The following ST3GAL6 variants were observed in gnomAD, a reference collection of about 807,000 sequenced individuals.
ST3GAL6 encodes ST3 beta-galactoside alpha-2,3-sialyltransferase 6.
ST3GAL6 carries 31 observed loss-of-function variants against 40.5 expected under a neutral mutation model. That is an observed-to-expected ratio of 0.77 (90% CI 0.58 to 1.03). ST3GAL6 has a LOEUF of 1.03. Ranked by LOEUF, ST3GAL6 falls within the 50% of genes least tolerant of loss-of-function variation. The pLI, the probability that ST3GAL6 is intolerant of heterozygous loss-of-function variation, is 0.00. For missense variants in ST3GAL6, 357 were observed against 393.2 expected (o/e 0.91, Z 0.78); for synonymous variants, 129 against 136.9 (o/e 0.94, Z 0.40).
chr3:98,784,914 T>C (rs1940541427), intron 5 of ST3GAL6, 31 bp from the exon 6 acceptor site: 1 of 1,550,976 alleles, frequency 6.4e-7, no homozygotes, highest in Non-Finnish European at 8.9e-7. Flanking sequence ...AAAAGATGGC[T>C]CAATCTCTCA....
chr3:98,751,368 A>G (rs955941785), intron 1 of ST3GAL6, among the ~76,000 whole-genome samples: 24 of 152,180 alleles, frequency 1.6e-4, no homozygotes, highest in African/African-American at 5.3e-4. Flanking sequence ...ATGATCCATA[A>G]TTTCTTTAGG....
chr3:98,783,774 G>A (rs1940414430), intron 5 of ST3GAL6: 5 of 691,032 alleles, frequency 7.2e-6, no homozygotes, highest in South Asian at 1.3e-4. Flanking sequence ...GGTAGACACT[G>A]ATTTAGGCAT....
chr3:98,759,354 T>C (rs1937580242), upstream of ST3GAL6, among the ~76,000 whole-genome samples: 1 of 152,112 alleles, frequency 6.6e-6, no homozygotes, highest in Admixed American at 6.5e-5. Flanking sequence ...AGGGAGGCCG[T>C]GTAGTGCTAC....
intron 5 of ST3GAL6, among the ~76,000 whole-genome samples, chr3:98,777,037 G>A (rs527456841): frequency 6.6e-6 from 1 of 152,188 alleles, no homozygotes; most frequent in Non-Finnish European, 1.5e-5. Flanking sequence ...GACCAAGGCT[G>A]CTTCTCTATC....
chr3:98,764,535 A>G (rs1178368699), intron 1 of ST3GAL6, among the ~76,000 whole-genome samples: 1 of 152,176 alleles, frequency 6.6e-6, no homozygotes, highest in Non-Finnish European at 1.5e-5. Context: ...TAAGTTGGAG[A>G]AATGTTCAGT....
chr3:98,741,086 A>ATGTG (rs1936048933), intron 1 of ST3GAL6, among the ~76,000 whole-genome samples: 2 of 83,092 alleles, frequency 2.4e-5, no homozygotes, highest in Non-Finnish European at 4.8e-5. Context: ...GTGTGTGTGC[A>ATGTG]TGCATGTATG....
At chr3:98,737,382 C>G (rs1331553664) in intron 1 of ST3GAL6, among the ~76,000 whole-genome samples, 1 of 152,144 alleles carries the variant, frequency 6.6e-6, no homozygotes, top group Non-Finnish European at 1.5e-5. Flanking sequence ...CTTTCTCTCT[C>G]TCACACACAT....
intron 1 of ST3GAL6, among the ~76,000 whole-genome samples, chr3:98,767,407 A>G (rs560222811): frequency 1.3e-5 from 2 of 152,348 alleles, no homozygotes; most frequent in Admixed American, 6.5e-5. Flanking sequence ...AGGCAATGCC[A>G]TATTATTTGG....
At position 98,769,987 on chromosome 3, in the gene ST3GAL6, G is replaced by A. The variant is rs943881543; in HGVS notation, c.90-892G>A. Among the ~76,000 whole-genome samples, 4 of 152,182 alleles carry A rather than the reference G, an allele frequency of 2.6e-5. No individual in the cohort carries two copies. In the East Asian group the frequency reaches 5.8e-4, roughly 22 times the overall value. ...GTATTCACAAAAGATGTTTTCCTGC[G>A]TAAGGAGTTTACTAGCCTCACAGTT... On this transcript the variant is annotated intron_variant, in intron 2 of 9. Coordinates refer to ENST00000483910, the MANE Select transcript of ST3GAL6 (RefSeq NM_001323368.2).
intron 5 of ST3GAL6, 43 bp downstream of exon 5, chr3:98,774,026 C>A: frequency 6.7e-7 from 1 of 1,485,028 alleles, no homozygotes; most frequent in Non-Finnish European, 9.4e-7. Flanking sequence ...TTAGCTTCAG[C>A]TAAGCTGGTT....
intron 8 of ST3GAL6, among the ~76,000 whole-genome samples, chr3:98,789,241 A>G (rs990813262): frequency 6.6e-5 from 10 of 152,224 alleles, no homozygotes; most frequent in African/African-American, 1.4e-4. Flanking sequence ...ATTTAGCATG[A>G]TAAGAATTGT....
At chr3:98,741,090 A>T (rs1009164518) in intron 1 of ST3GAL6, among the ~76,000 whole-genome samples, 1 of 102,080 alleles carries the variant, frequency 9.8e-6, no homozygotes, top group Admixed American at 1.1e-4. Flanking sequence ...GTGTGCATGC[A>T]TGTATGTACA....
At chr3:98,788,509 G>GGT (rs761412678) in intron 8 of ST3GAL6, 46 bp downstream of exon 8, 2 of 1,539,308 alleles carry the variant, frequency 1.3e-6, no homozygotes, top group South Asian at 1.3e-5. Flanking sequence ...ATCTGGCTGA[G>GGT]GTAGGATAGA....
At chr3:98,778,019 C>T (rs1478850419) in intron 5 of ST3GAL6, among the ~76,000 whole-genome samples, 1 of 152,186 alleles carries the variant, frequency 6.6e-6, no homozygotes, top group Non-Finnish European at 1.5e-5. Flanking sequence ...CTAGAAACAG[C>T]AGCAACCCTA....
intron 5 of ST3GAL6, among the ~76,000 whole-genome samples, chr3:98,779,420 A>C (rs1157470534): frequency 6.6e-6 from 1 of 152,180 alleles, no homozygotes; most frequent in Non-Finnish European, 1.5e-5. Context: ...TGGGAATGTG[A>C]GTGGTATGAT....
At chr3:98,771,744 C>T (rs535099774) in intron 3 of ST3GAL6, among the ~76,000 whole-genome samples, 4 of 152,166 alleles carry the variant, frequency 2.6e-5, no homozygotes, top group South Asian at 4.1e-4. Flanking sequence ...AAGACTTTTT[C>T]GTATATGATT....
chr3:98,783,656 A>C (rs1166714160), intron 5 of ST3GAL6: 1 of 985,318 alleles, frequency 1.0e-6, no homozygotes, highest in East Asian at 1.1e-4. Context: ...ATGTGTCCAC[A>C]AGGCGAGGTT....
chr3:98,778,534 G>A (rs892306848), intron 5 of ST3GAL6, among the ~76,000 whole-genome samples: 22 of 152,220 alleles, frequency 1.4e-4, no homozygotes, highest in African/African-American at 5.3e-4. Context: ...TGAATCATTT[G>A]TGGTGAATAT....
rs965336985 is a variant in ST3GAL6, at chr3:98,768,497, G to A, written c.57G>A (p.Leu19=). The A allele has an allele frequency of 2.5e-6, 4 of 1,613,040 alleles. No individual in the cohort carries two copies. Among genetic ancestry groups the A allele is most frequent in the Non-Finnish European group, 3.4e-6 (4 of 1,179,368 alleles). The part of the protein sequence containing the change: ...FLSAVFLYYV[L]HCILWGTNVY... Reference sequence around the variant, plus strand: ...GTGCTGTCTTCCTCTATTATGTACTGCATTGCATATTATGGGGAACGAATG... The same window carrying A: ...GTGCTGTCTTCCTCTATTATGTACTACATTGCATATTATGGGGAACGAATG... Residue 19 remains leucine, a synonymous_variant, in exon 2 of 10, where the codon CTG becomes CTA. Transcript: ENST00000483910.
Sources: gnomAD v4.1 joint callset for allele counts (sites outside exome capture counted in the v4.1 genomes callset) on GRCh38, gnomAD v4.1.1 for gene constraint, MANE v1.5 for transcripts, NCBI Gene and HGNC (gene_info 2026-07-23, HGNC 2026-07-21) for gene names.